The following NLRC3 variants were observed in gnomAD, a reference collection of about 807,000 sequenced individuals.
NLRC3 encodes NLR family CARD domain-containing protein 3.
In NLRC3, 87 loss-of-function variants were observed where a neutral mutation model predicts 91.6. The ratio of observed to expected loss-of-function variants is 0.95; its 90% CI spans 0.80 to 1.14. The LOEUF (loss-of-function observed/expected upper bound fraction) is 1.14. Ranked by LOEUF, NLRC3 falls within the 50% of genes most tolerant of loss-of-function variation. NLRC3 has a pLI of 0.00. For missense variants in NLRC3, 1,577 were observed against 1,418.6 expected (o/e 1.11, Z -1.79); for synonymous variants, 694 against 625.3 (o/e 1.11, Z -1.64).
intron 1 of NLRC3, among the ~76,000 whole-genome samples, chr16:3,575,411 C>T (rs1225940299): frequency 1.3e-5 from 2 of 152,168 alleles, no homozygotes; most frequent in Non-Finnish European, 2.9e-5. Context: ...CCCCTGTGAG[C>T]GCAGCTGAAA....
In NLRC3 at chr16:3,544,345, G is replaced by A; in HGVS notation, c.2772-16C>T. 1 of 1,596,294 alleles carries A rather than the reference G, an allele frequency of 6.3e-7. No individual in the cohort carries two copies. The highest frequency in any genetic ancestry group is 8.6e-7 in the Non-Finnish European group (1 of 1,164,238). On this transcript the variant is annotated splice_polypyrimidine_tract_variant and intron_variant, in intron 15 of 19. Transcript: ENST00000359128. ...CTCCTGTAAACTAGACACAGAGTAT[G>A]ACCCCTTTGGGTGCACGGGGCACAG...
intron 6 of NLRC3, among the ~76,000 whole-genome samples, chr16:3,559,947 T>A (rs1236986018): frequency 6.6e-6 from 1 of 152,118 alleles, no homozygotes; most frequent in Admixed American, 6.6e-5. Flanking sequence ...CTGGCCTAGA[T>A]ATCCTTTTAA....
chr16:3,561,745 C>G lies in NLRC3; in HGVS notation c.1972G>C (p.Gly658Arg), dbSNP rs2039621707. ...CAGTCCTTCCCACTCAGCACGCTGC[C>G]CAGCAGCTCCATCACGGGGTCCTGG... ...QFQDPVMELL[G>R]SVLSGKDCRI... The change falls in exon 6 of 20, where the codon GGC becomes CGC. Residue 658 changes from glycine to arginine, a missense_variant. Transcript: ENST00000359128. 6.2e-7 allele frequency: 1 copy of G among 1,613,662 alleles called. No homozygotes were observed. The highest frequency in any genetic ancestry group is 8.5e-7 in the Non-Finnish European group (1 of 1,179,764).
chr16:3,557,043 G>C (rs199476281), intron 7 of NLRC3, 49 bp from the exon 8 acceptor site: 43 of 1,332,822 alleles, frequency 3.2e-5, no homozygotes, highest in Admixed American at 1.2e-4. Context: ...TCCCAGAGAG[G>C]GAAGGGGAAA....
intron 15 of NLRC3, among the ~76,000 whole-genome samples, chr16:3,547,920 C>G (rs1004401839): frequency 1.3e-5 from 2 of 152,228 alleles, no homozygotes; most frequent in Non-Finnish European, 2.9e-5. Context: ...ATCCACATGC[C>G]TCAGCCTCCC....
intron 1 of NLRC3, among the ~76,000 whole-genome samples, chr16:3,575,140 T>C (rs752067658): frequency 6.6e-6 from 1 of 152,120 alleles, no homozygotes; most frequent in Non-Finnish European, 1.5e-5. Context: ...TCAGGCCCCA[T>C]TCAGACGAAA....
intron 6 of NLRC3, among the ~76,000 whole-genome samples, chr16:3,560,337 T>G (rs1195022541): frequency 1.3e-5 from 2 of 151,868 alleles, no homozygotes; most frequent in Non-Finnish European, 2.9e-5. Context: ...GCAGGAGAAT[T>G]GCTTGAACCC....
chr16:3,573,445 T>TCACACACACAC, intron 1 of NLRC3, among the ~76,000 whole-genome samples: 1 of 152,146 alleles, frequency 6.6e-6, no homozygotes, highest in South Asian at 2.1e-4. Flanking sequence ...ACACAAAAGC[T>TCACACACACAC]AGCAATTATC....
Position 3,564,474 on chromosome 16 carries a change from C to T in NLRC3, c.463G>A (p.Val155Met), listed in dbSNP as rs766800309. The part of the protein sequence containing the change: ...GVAGMGKTTL[V>M]RHFVRLWAHG... ...GCCCAGAGGCGGACGAAGTGCCTCA[C>T]CAGGGTGGTCTTGCCCATGCCGGCC... The change falls in exon 5 of 20, where the codon GTG becomes ATG. Residue 155 changes from valine to methionine, a missense_variant. By Grantham distance (21) the Val-to-Met change is conservative (BLOSUM62 1). Coordinates refer to ENST00000359128, the MANE Select transcript of NLRC3 (RefSeq NM_178844.4). The surrounding 1 kb of genome is among the most constrained non-coding windows in gnomAD (Gnocchi z 5.9). 5 of 1,612,552 alleles carry T rather than the reference C, an allele frequency of 3.1e-6. No individual in the cohort carries two copies. Among genetic ancestry groups the T allele is most frequent in the South Asian group, 1.1e-5 (1 of 91,088 alleles).
At position 3,561,800 on chromosome 16, in the gene NLRC3, G is replaced by T; in HGVS notation, c.1929-12C>A. 1 of 1,608,478 alleles carries T rather than the reference G, an allele frequency of 6.2e-7. No individual in the cohort carries two copies. The highest frequency in any genetic ancestry group is 1.1e-5 in the South Asian group (1 of 90,960). ...GGTTGGTGTCCAGCCTGGCCAAGGGGAGCAGTGACAGTGAGTGTCCCACCC... is the reference window on the plus strand; with the variant it reads ...GGTTGGTGTCCAGCCTGGCCAAGGGTAGCAGTGACAGTGAGTGTCCCACCC... On this transcript the variant is annotated splice_polypyrimidine_tract_variant and intron_variant, in intron 5 of 19. Transcript: ENST00000359128.
chr16:3,576,043 C>A (rs751581871), intron 1 of NLRC3, among the ~76,000 whole-genome samples: 1 of 152,186 alleles, frequency 6.6e-6, no homozygotes, highest in African/African-American at 2.4e-5. Context: ...ACTGCATGGA[C>A]CCCTGGAGTC....
chr16:3,561,682 GT>G lies in NLRC3; in HGVS notation c.2015+19del. The G allele has an allele frequency of 6.5e-7, 1 of 1,543,606 alleles. No homozygotes were observed. The highest frequency in any genetic ancestry group is 9.0e-7 in the Non-Finnish European group (1 of 1,115,952). On this transcript the variant is annotated intron_variant, in intron 6 of 19. Coordinates refer to ENST00000359128, the MANE Select transcript of NLRC3 (RefSeq NM_178844.4). ...CCACAAGACCATAGGCACCCTGGAG[GT>G]CCCCTGGGTCTGTGTTACCTGATCT...
At chr16:3,553,485 A>T (rs372898820) in intron 9 of NLRC3, among the ~76,000 whole-genome samples, 57 of 152,294 alleles carry the variant, frequency 3.7e-4, no homozygotes, top group African/African-American at 1.4e-3. Context: ...GGCCACTCCA[A>T]TTATCTGCTG....
intron 1 of NLRC3, among the ~76,000 whole-genome samples, chr16:3,567,751 AACAGAGCGAG>A (rs1340943122): frequency 7.4e-6 from 1 of 134,982 alleles, no homozygotes; most frequent in Non-Finnish European, 1.6e-5. Context: ...CAGCCTGGGC[AACAGAGCGAG>A]ACTCCATCTC....
In NLRC3 at chr16:3,563,303, T is replaced by C; in HGVS notation, c.1634A>G (p.Gln545Arg). Reference sequence around the variant, plus strand: ...GCAGCCCTGCAGGAGCTCAGCCACCTGGGTCCGGTAGGCCTGGTGCTCGCC... The same window carrying C: ...GCAGCCCTGCAGGAGCTCAGCCACCCGGGTCCGGTAGGCCTGGTGCTCGCC... ...AQGEHQAYRT[Q>R]VAELLQGCLR... Residue 545 changes from glutamine to arginine, a missense_variant, in exon 5 of 20, where the codon CAG becomes CGG. Transcript: ENST00000359128. 1.2e-6 allele frequency: 2 copies of C among 1,601,128 alleles called. No homozygotes were observed. The highest frequency in any genetic ancestry group is 1.1e-5 in the South Asian group (1 of 89,004).
chr16:3,556,272 A>G (rs2039314819), intron 8 of NLRC3, among the ~76,000 whole-genome samples: 1 of 124,650 alleles, frequency 8.0e-6, no homozygotes, highest in Non-Finnish European at 1.6e-5. Context: ...CAGAGGTTGC[A>G]GTGAGACAAG....
chr16:3,541,611 G>C lies in NLRC3; in HGVS notation c.*214C>G, dbSNP rs1305286725. Reference sequence around the variant, plus strand: ...CCCCTCCCTTCTCTGTGCCATAACAGAGTACCCGTCACCCCCTGCCTGGAC... The same window carrying C: ...CCCCTCCCTTCTCTGTGCCATAACACAGTACCCGTCACCCCCTGCCTGGAC... On this transcript the variant is annotated 3_prime_UTR_variant, in exon 20 of 20. Coordinates refer to ENST00000359128, the MANE Select transcript of NLRC3 (RefSeq NM_178844.4). 2.4e-5 allele frequency: 14 copies of C among 580,324 alleles called. No individual in the cohort carries two copies. The highest frequency in any genetic ancestry group is 4.0e-5 in the Non-Finnish European group (13 of 325,868). The allele number at this position is 580,324 out of a possible 1,614,324, so 35.9% of individuals were successfully genotyped here.
At chr16:3,550,549 G>C in intron 10 of NLRC3, 52 bp from the exon 11 acceptor site, 2 of 1,349,176 alleles carry the variant, frequency 1.5e-6, no homozygotes, top group South Asian at 2.3e-5. Flanking sequence ...GCCAGGCAGG[G>C]CTGGGCAGAG....
intron 8 of NLRC3, among the ~76,000 whole-genome samples, chr16:3,555,329 C>T (rs1006743197): frequency 6.6e-6 from 1 of 151,992 alleles, no homozygotes; most frequent in African/African-American, 2.4e-5. Flanking sequence ...ATGAGGAAAG[C>T]CGCACACCAA....
Sources: gnomAD v4.1 joint callset for allele counts (sites outside exome capture counted in the v4.1 genomes callset) on GRCh38, gnomAD v4.1.1 for gene constraint, Gnocchi (gnomAD v3.1) non-coding constraint, MANE v1.5 for transcripts, NCBI Gene and HGNC (gene_info 2026-07-23, HGNC 2026-07-21) for gene names.